The following TMTC1 variants were observed in gnomAD, a reference collection of about 807,000 sequenced individuals.
TMTC1 encodes the protein protein O-mannosyl-transferase TMTC1.
TMTC1 carries 73 observed loss-of-function variants against 104.8 expected under a neutral mutation model. That is an observed-to-expected ratio of 0.70 (90% CI 0.58 to 0.85). The LOEUF (loss-of-function observed/expected upper bound fraction) is 0.85. Among genes scored for constraint, TMTC1 ranks in the 40% least tolerant of loss-of-function variants. The pLI is 0.00. For synonymous variants in TMTC1, 434 were observed against 428.7 expected (o/e 1.01, Z -0.15); for missense variants, 1,035 against 1,096.1 (o/e 0.94, Z 0.79).
At chr12:29,599,892 G>GTA (rs1481468769) in intron 7 of TMTC1, among the ~76,000 whole-genome samples, 5 of 148,632 alleles carry the variant, frequency 3.4e-5, no homozygotes, top group African/African-American at 1.3e-4. Flanking sequence ...ATATATATGT[G>GTA]TATATATACA....
At chr12:29,644,459 T>G (rs1939178219) in intron 5 of TMTC1, among the ~76,000 whole-genome samples, 1 of 151,788 alleles carries the variant, frequency 6.6e-6, no homozygotes, top group Non-Finnish European at 1.5e-5. Context: ...AAATCACCAC[T>G]AAGGAACTTG....
intron 5 of TMTC1, among the ~76,000 whole-genome samples, chr12:29,670,487 T>A (rs924940401): frequency 2.0e-5 from 3 of 152,194 alleles, no homozygotes; most frequent in African/African-American, 7.2e-5. Context: ...GTGTCATAAA[T>A]TCAGTCTGTG....
intron 5 of TMTC1, among the ~76,000 whole-genome samples, chr12:29,709,965 C>T (rs1177670999): frequency 6.6e-6 from 1 of 151,870 alleles, no homozygotes; most frequent in East Asian, 1.9e-4. Flanking sequence ...AAAATAAAGC[C>T]GAGAGAAAAT....
chr12:29,703,502 C>A (rs543403958), intron 5 of TMTC1, among the ~76,000 whole-genome samples: 1 of 152,264 alleles, frequency 6.6e-6, no homozygotes, highest in East Asian at 1.9e-4. Flanking sequence ...TATTTTTACT[C>A]ATTATTGATT....
intron 4 of TMTC1, among the ~76,000 whole-genome samples, chr12:29,752,782 T>C (rs1943122836): frequency 6.6e-6 from 1 of 151,954 alleles, no homozygotes; most frequent in Admixed American, 6.5e-5. Flanking sequence ...AAAATAACAC[T>C]TTTGCTATTC....
intron 5 of TMTC1, among the ~76,000 whole-genome samples, chr12:29,691,912 A>G (rs143080074): frequency 6.9e-6 from 1 of 144,664 alleles, no homozygotes; most frequent in African/African-American, 2.5e-5. Context: ...CCTCTGTAAA[A>G]GGCATTATAG....
At chr12:29,605,569 G>A (rs1946675698) in intron 6 of TMTC1, among the ~76,000 whole-genome samples, 1 of 114,124 alleles carries the variant, frequency 8.8e-6, no homozygotes, top group Non-Finnish European at 1.8e-5. Flanking sequence ...GACCAAAAAG[G>A]GTAAAAAAAA....
chr12:29,760,726 C>T (rs1019766725), intron 2 of TMTC1, among the ~76,000 whole-genome samples: 17 of 151,584 alleles, frequency 1.1e-4, no homozygotes, highest in African/African-American at 2.9e-4. Context: ...ATATATATTA[C>T]GCTAACAAAT....
At chr12:29,678,933 C>T (rs1383049011) in intron 5 of TMTC1, among the ~76,000 whole-genome samples, 2 of 152,146 alleles carry the variant, frequency 1.3e-5, no homozygotes, top group Non-Finnish European at 2.9e-5. Context: ...TGGCAACATA[C>T]ATCAAAACCT....
chr12:29,671,298 TTAAATAAATAAATAAATAAA>T (rs66951742), intron 5 of TMTC1, among the ~76,000 whole-genome samples: 12 of 143,444 alleles, frequency 8.4e-5, no homozygotes, highest in African/African-American at 3.1e-4. Context: ...AGACTCCATC[TTAAATAAATAAATAAATAAA>T]TAAATAAATA....
chr12:29,727,782 A>AGTTTTTTCTT (rs11281391), intron 5 of TMTC1, among the ~76,000 whole-genome samples: 35,663 of 151,230 alleles, frequency 0.24, 5,051 homozygotes, highest in Admixed American at 0.32. Flanking sequence ...AATTTGTAGC[A>AGTTTTTTCTT]GTTTTTTGTT....
At chr12:29,507,624 A>G (rs1025933959) in intron 17 of TMTC1, among the ~76,000 whole-genome samples, 1 of 152,202 alleles carries the variant, frequency 6.6e-6, no homozygotes, top group African/African-American at 2.4e-5. Flanking sequence ...CTCCTGACCT[A>G]CTAAACACAA....
At chr12:29,709,497 TAAGA>T (rs1941840363) in intron 5 of TMTC1, among the ~76,000 whole-genome samples, 1 of 151,534 alleles carries the variant, frequency 6.6e-6, no homozygotes, top group African/African-American at 2.4e-5. Context: ...TTAACACAAA[TAAGA>T]AAGAACAATA....
chr12:29,612,718 T>A (rs930770072), intron 6 of TMTC1, among the ~76,000 whole-genome samples: 1 of 152,140 alleles, frequency 6.6e-6, no homozygotes, highest in Non-Finnish European at 1.5e-5. Flanking sequence ...CCTGGCCTCA[T>A]CCACTCATCT....
In TMTC1 at chr12:29,691,738, A is replaced by AAAAC. The variant is rs71045828; in HGVS notation, c.939-58403_939-58402insGTTT. Among the ~76,000 whole-genome samples the AAAAC allele has an allele frequency of 4.9e-5, 7 of 142,086 alleles. 2 individuals carry two copies. The highest frequency in any genetic ancestry group is 2.2e-4 in the Admixed American group (3 of 13,786). 93.2% of individuals were successfully genotyped at this position (142,086 alleles called of 152,430 possible). A position where few individuals can be genotyped will look rare whatever the true frequency, so the allele number is the denominator to read the frequency against. On this transcript the variant is annotated intron_variant, in intron 5 of 17. Transcript: ENST00000539277. ...AAAGTAGGAAAAAAAAAAAAAAAAAACCTACTTCCCACAATGGTGTACTGG... is the reference window on the plus strand; with the variant it reads ...AAAGTAGGAAAAAAAAAAAAAAAAAAAAACCCTACTTCCCACAATGGTGTACTGG...
intron 10 of TMTC1, among the ~76,000 whole-genome samples, chr12:29,547,546 A>G (rs971864867): frequency 6.6e-6 from 1 of 152,276 alleles, no homozygotes; most frequent in East Asian, 1.9e-4. Context: ...CCATGAAATG[A>G]TAAAAATGTA....
intron 5 of TMTC1, among the ~76,000 whole-genome samples, chr12:29,720,762 A>T (rs1262554596): frequency 1.3e-5 from 2 of 152,166 alleles, no homozygotes; most frequent in African/African-American, 2.4e-5. Flanking sequence ...CAATGGCCAC[A>T]AGTTTTCCAG....
intron 10 of TMTC1, among the ~76,000 whole-genome samples, chr12:29,551,376 T>C (rs572452944): frequency 6.6e-6 from 1 of 152,336 alleles, no homozygotes; most frequent in Non-Finnish European, 1.5e-5. Flanking sequence ...TATTTCTGCC[T>C]CCTAATATTT....
chr12:29,752,703 C>T (rs1943120826), intron 4 of TMTC1, among the ~76,000 whole-genome samples: 1 of 151,708 alleles, frequency 6.6e-6, no homozygotes. Flanking sequence ...ACTGATATAT[C>T]TCAAAAGCCC....
Sources: allele counts gnomAD v4.1 joint callset (sites outside exome capture counted in the v4.1 genomes callset), GRCh38; gene constraint gnomAD v4.1.1; transcripts MANE v1.5; gene names NCBI Gene and HGNC (gene_info 2026-07-23, HGNC 2026-07-21).